MYO16: variants seen among roughly 807,000 people sequenced by gnomAD.
MYO16 encodes unconventional myosin-XVI.
Under a neutral mutation model 205.3 loss-of-function variants are expected in MYO16, and 94 were observed. That is an observed-to-expected ratio of 0.46 (90% CI 0.39 to 0.54). The LOEUF (loss-of-function observed/expected upper bound fraction) is 0.54, where lower values mean the gene tolerates loss of function less well. MYO16 is among the 20% of genes least tolerant of loss of function. The pLI is 0.00. For synonymous variants in MYO16, 988 were observed against 954.0 expected (o/e 1.04, Z -0.66); for missense variants, 2,315 against 2,387.5 (o/e 0.97, Z 0.63).
chr13:109,117,011 A>C (rs1221248178), intron 28 of MYO16, among the ~76,000 whole-genome samples: 1 of 152,086 alleles, frequency 6.6e-6, no homozygotes, highest in Non-Finnish European at 1.5e-5. Context: ...GATTCACTTG[A>C]TGGAGGTTGG....
intron 23 of MYO16, among the ~76,000 whole-genome samples, chr13:109,023,434 A>G (rs1420778384): frequency 5.3e-4 from 51 of 95,442 alleles, no homozygotes; most frequent in Non-Finnish European, 4.0e-4. Context: ...ATATATTTAT[A>G]TATTATACAG....
At chr13:109,202,227 G>T (rs1880423120) in intron 34 of MYO16, among the ~76,000 whole-genome samples, 1 of 152,052 alleles carries the variant, frequency 6.6e-6, no homozygotes, top group Non-Finnish European at 1.5e-5. Flanking sequence ...CTCAGTAGTG[G>T]GATTGCTGAG....
chr13:108,905,741 C>G (rs961055833), intron 15 of MYO16, among the ~76,000 whole-genome samples: 11 of 148,432 alleles, frequency 7.4e-5, no homozygotes, highest in Non-Finnish European at 1.5e-4. Flanking sequence ...GATATTGTTT[C>G]CTTTTCTTAC....
intron 1 of MYO16, among the ~76,000 whole-genome samples, chr13:108,612,430 G>T (rs1427073083): frequency 6.6e-6 from 1 of 152,148 alleles, no homozygotes; most frequent in African/African-American, 2.4e-5. Flanking sequence ...ACACTAATAA[G>T]ACAAATCCAG....
chr13:108,889,152 G>A (rs1880045353), intron 14 of MYO16, among the ~76,000 whole-genome samples: 1 of 152,196 alleles, frequency 6.6e-6, no homozygotes, highest in African/African-American at 2.4e-5. Context: ...ACTGGGGCCT[G>A]ATAATAAATC....
intron 32 of MYO16, among the ~76,000 whole-genome samples, chr13:109,159,568 G>A (rs576655971): frequency 4.6e-5 from 7 of 152,234 alleles, no homozygotes; most frequent in Non-Finnish European, 7.4e-5. Context: ...AAAATACAAC[G>A]CACATTGTAT....
At chr13:108,676,600 T>C (rs1882222371) in intron 2 of MYO16, among the ~76,000 whole-genome samples, 1 of 152,128 alleles carries the variant, frequency 6.6e-6, no homozygotes, top group Non-Finnish European at 1.5e-5. Context: ...TCCAAGGACT[T>C]GCGTCCATTG....
At chr13:109,051,504 G>C (rs955149098) in intron 24 of MYO16, among the ~76,000 whole-genome samples, 6 of 152,182 alleles carry the variant, frequency 3.9e-5, no homozygotes, top group Non-Finnish European at 7.4e-5. Context: ...AGGACACTTA[G>C]GCTTAAAAAC....
chr13:108,638,290 T>A (rs1880349678), intron 1 of MYO16, among the ~76,000 whole-genome samples: 1 of 152,216 alleles, frequency 6.6e-6, no homozygotes, highest in African/African-American at 2.4e-5. Context: ...TTAGGTTTTT[T>A]GTTTCACTTT....
intron 7 of MYO16, among the ~76,000 whole-genome samples, chr13:108,807,366 C>G (rs1453901359): frequency 2.0e-5 from 3 of 151,882 alleles, no homozygotes; most frequent in Non-Finnish European, 4.4e-5. Flanking sequence ...TTGCATTTCA[C>G]GTATTTTAGA....
At chr13:108,530,495 A>T in the MYO16 span, among the ~76,000 whole-genome samples, 1 of 152,324 alleles carries the variant, frequency 6.6e-6, no homozygotes, top group Non-Finnish European at 1.5e-5. Flanking sequence ...TAATAATGGC[A>T]CTGCAATTAA....
intron 28 of MYO16, among the ~76,000 whole-genome samples, chr13:109,116,298 A>G (rs1054387267): frequency 1.3e-5 from 2 of 152,086 alleles, no homozygotes; most frequent in African/African-American, 4.8e-5. Flanking sequence ...TACCTTACAA[A>G]GCCCTTGGTT....
At chr13:108,661,198 G>T (rs1881485599) in intron 1 of MYO16, among the ~76,000 whole-genome samples, 2 of 152,240 alleles carry the variant, frequency 1.3e-5, no homozygotes, top group South Asian at 4.1e-4. Flanking sequence ...TGGTGCTTCT[G>T]TCTCAGAGCT....
At chr13:108,548,224 G>A in the MYO16 span, among the ~76,000 whole-genome samples, 28 of 152,044 alleles carry the variant, frequency 1.8e-4, no homozygotes, top group Admixed American at 1.3e-3. Flanking sequence ...TGATGGTGGT[G>A]GTGGTGGTGG....
At chr13:108,781,311 A>G (rs1376516453) in intron 4 of MYO16, among the ~76,000 whole-genome samples, 1 of 152,238 alleles carries the variant, frequency 6.6e-6, no homozygotes, top group Non-Finnish European at 1.5e-5. Context: ...TGTCAGGTTT[A>G]AGTCCAGGTT....
At chr13:108,861,957 G>T (rs543123095) in intron 11 of MYO16, among the ~76,000 whole-genome samples, 1 of 152,206 alleles carries the variant, frequency 6.6e-6, no homozygotes, top group South Asian at 2.1e-4. Flanking sequence ...ATTCTTTAGG[G>T]TTCATACTTT....
intron 34 of MYO16, among the ~76,000 whole-genome samples, chr13:109,206,371 A>G (rs1880597696): frequency 6.7e-6 from 1 of 150,038 alleles, no homozygotes; most frequent in South Asian, 2.1e-4. Context: ...GGTGCAGCAC[A>G]CCTTAACACT....
At chr13:109,129,954 C>T (rs1876447158) in intron 31 of MYO16, among the ~76,000 whole-genome samples, 1 of 150,446 alleles carries the variant, frequency 6.6e-6, no homozygotes. Flanking sequence ...AAGAAGCTGA[C>T]CTCAGAGAGC....
rs534432202 is a variant in MYO16 at position 108,970,628 on chromosome 13, T to G, written c.2369+5726T>G. On this transcript the variant is annotated intron_variant, in intron 20 of 34. Transcript: ENST00000457511. Reference sequence around the variant, plus strand: ...GTGAGGGATTTCTGGACTTGCTGATTGACATCTTAAGGCTTTCCTGGCCAC... The same window carrying G: ...GTGAGGGATTTCTGGACTTGCTGATGGACATCTTAAGGCTTTCCTGGCCAC... 1.1e-4 allele frequency among the ~76,000 whole-genome samples: 16 copies of G among 152,318 alleles called. 1 individual carries two copies. The South Asian group carries it at 2.1e-3, about 20-fold the overall frequency.
Sources: allele counts gnomAD v4.1 joint callset (sites outside exome capture counted in the v4.1 genomes callset), GRCh38; gene constraint gnomAD v4.1.1; transcripts MANE v1.5; gene names NCBI Gene and HGNC (gene_info 2026-07-23, HGNC 2026-07-21).